TBC1D5: variants seen among roughly 807,000 people sequenced by gnomAD.
TBC1D5 encodes the protein TBC1 domain family, member 5.
A neutral mutation model predicts 100.3 loss-of-function variants in TBC1D5; 75 were observed. The observed-to-expected ratio is 0.75, with a 90% confidence interval of 0.62 to 0.91. The LOEUF is 0.91. Ranked by LOEUF, TBC1D5 falls within the 40% of genes least tolerant of loss-of-function variation. TBC1D5 has a pLI of 0.00. For missense variants in TBC1D5, 910 were observed against 942.4 expected, an observed-to-expected ratio of 0.97 and a Z score of 0.45; for synonymous variants, 323 against 325.6, an observed-to-expected ratio of 0.99 and a Z score of 0.09.
intron 13 of TBC1D5, among the ~76,000 whole-genome samples, chr3:17,357,061 TA>T (rs1163181447): frequency 2.6e-5 from 4 of 152,106 alleles, no homozygotes; most frequent in Admixed American, 6.5e-5. Flanking sequence ...CTACCAAACT[TA>T]AAAAAACTCT....
intron 1 of TBC1D5, among the ~76,000 whole-genome samples, chr3:17,670,337 A>T (rs1393705021): frequency 2.0e-5 from 3 of 152,254 alleles, no homozygotes; most frequent in African/African-American, 4.8e-5. Flanking sequence ...CCAAACATAA[A>T]GCATGCACAT....
At chr3:17,222,691 T>A (rs2074414525) in intron 17 of TBC1D5, among the ~76,000 whole-genome samples, 1 of 152,126 alleles carries the variant, frequency 6.6e-6, no homozygotes, top group South Asian at 2.1e-4. Flanking sequence ...GTAAATCTTT[T>A]ATGGGGTTCC....
chr3:17,518,642 A>G (rs1227485564), intron 2 of TBC1D5, among the ~76,000 whole-genome samples: 2 of 152,252 alleles, frequency 1.3e-5, no homozygotes, highest in African/African-American at 4.8e-5. Flanking sequence ...CTCGGGAGCC[A>G]CAAGTGCAGA....
chr3:17,236,594 T>C (rs2075874917), intron 17 of TBC1D5, among the ~76,000 whole-genome samples: 1 of 152,002 alleles, frequency 6.6e-6, no homozygotes, highest in Admixed American at 6.6e-5. Flanking sequence ...CAAATGATTC[T>C]CCTGCCTCAG....
intron 3 of TBC1D5, among the ~76,000 whole-genome samples, chr3:17,481,968 T>C (rs1009825038): frequency 3.3e-5 from 5 of 152,236 alleles, no homozygotes; most frequent in African/African-American, 1.2e-4. Context: ...CTCGAACTCC[T>C]GACCTCAGAT....
At chr3:17,527,302 A>G (rs1055730310) in intron 2 of TBC1D5, among the ~76,000 whole-genome samples, 4 of 152,178 alleles carry the variant, frequency 2.6e-5, no homozygotes, top group Non-Finnish European at 5.9e-5. Context: ...CCACATGATA[A>G]CCTGAAAGAA....
chr3:17,731,995 G>A (rs1474116691), intron 1 of TBC1D5, among the ~76,000 whole-genome samples: 1 of 152,144 alleles, frequency 6.6e-6, no homozygotes, highest in Admixed American at 6.5e-5. Context: ...GAAAGTTCAG[G>A]GAGGAAATCA....
intron 15 of TBC1D5, among the ~76,000 whole-genome samples, chr3:17,259,651 T>C (rs1429874946): frequency 7.1e-6 from 1 of 141,708 alleles, no homozygotes; most frequent in Non-Finnish European, 1.5e-5. Context: ...ATTACCAATA[T>C]GCGCAGAAAT....
intron 16 of TBC1D5, among the ~76,000 whole-genome samples, chr3:17,250,993 GCTTT>G (rs2077121190): frequency 6.6e-6 from 1 of 152,170 alleles, no homozygotes; most frequent in South Asian, 2.1e-4. Flanking sequence ...AAAAGTTTCA[GCTTT>G]CTTATTAGCA....
intron 13 of TBC1D5, among the ~76,000 whole-genome samples, chr3:17,321,791 G>C (rs1217783376): frequency 6.6e-6 from 1 of 152,132 alleles, no homozygotes; most frequent in African/African-American, 2.4e-5. Flanking sequence ...TAAAAAATGT[G>C]AACTATACTA....
intron 17 of TBC1D5, among the ~76,000 whole-genome samples, chr3:17,226,310 CTTTTTTT>C (rs11311989): frequency 7.3e-6 from 1 of 137,788 alleles, no homozygotes; most frequent in Non-Finnish European, 1.6e-5. Context: ...CTCTACATAC[CTTTTTTT>C]TTTTTTTTTG....
intron 2 of TBC1D5, among the ~76,000 whole-genome samples, chr3:17,600,767 C>A (rs2060880173): frequency 6.6e-6 from 1 of 152,096 alleles, no homozygotes; most frequent in Non-Finnish European, 1.5e-5. Flanking sequence ...TTGGTTATTA[C>A]TCTCCAAGAG....
At chr3:17,632,207 G>A (rs368251291) in intron 1 of TBC1D5, among the ~76,000 whole-genome samples, 7 of 152,260 alleles carry the variant, frequency 4.6e-5, no homozygotes, top group South Asian at 4.1e-4. Context: ...CAATATTTCC[G>A]TGGAGTAAAG....
At chr3:17,173,569 G>C (rs1284257239) in intron 19 of TBC1D5, among the ~76,000 whole-genome samples, 1 of 152,134 alleles carries the variant, frequency 6.6e-6, no homozygotes, top group Non-Finnish European at 1.5e-5. Flanking sequence ...ATCTCAGAAG[G>C]TTGCTGAGAG....
intron 1 of TBC1D5, among the ~76,000 whole-genome samples, chr3:17,680,728 T>C (rs2069336016): frequency 6.6e-6 from 1 of 151,436 alleles, no homozygotes; most frequent in Non-Finnish European, 1.5e-5. Context: ...ACTGAGACAC[T>C]GTATCAAGTC....
chr3:17,326,891 C>G (rs2086223033), intron 13 of TBC1D5, among the ~76,000 whole-genome samples: 1 of 152,186 alleles, frequency 6.6e-6, no homozygotes, highest in Admixed American at 6.5e-5. Context: ...TGCTCAGGAG[C>G]CAAAAACCTT....
At chr3:17,400,211 T>C (rs1559803183) in intron 8 of TBC1D5, among the ~76,000 whole-genome samples, 1 of 152,110 alleles carries the variant, frequency 6.6e-6, no homozygotes. Flanking sequence ...GCTCCATAAA[T>C]ATACATTTTT....
chr3:17,204,510 C>T (rs1360041084), intron 18 of TBC1D5, among the ~76,000 whole-genome samples: 1 of 152,146 alleles, frequency 6.6e-6, no homozygotes, highest in Admixed American at 6.6e-5. Context: ...TGAGCTTTCC[C>T]CAAACCATTG....
intron 15 of TBC1D5, among the ~76,000 whole-genome samples, chr3:17,264,195 C>G (rs2078627608): frequency 6.6e-6 from 1 of 151,958 alleles, no homozygotes; most frequent in South Asian, 2.1e-4. Context: ...CACACTAAGC[C>G]TAACTAAATA....
Sources: gnomAD v4.1 joint callset for allele counts (sites outside exome capture counted in the v4.1 genomes callset) on GRCh38, gnomAD v4.1.1 for gene constraint, MANE v1.5 for transcripts, NCBI Gene and HGNC (gene_info 2026-07-23, HGNC 2026-07-21) for gene names.